The following RAB3C variants were observed in gnomAD, a reference collection of about 807,000 sequenced individuals.
RAB3C encodes the protein RAB3C, member RAS oncogene family, also known as ras-related protein Rab-3C.
In RAB3C, 17 loss-of-function variants were observed where a neutral mutation model predicts 26.4. That is an observed-to-expected ratio of 0.64 (90% CI 0.44 to 0.97). RAB3C has a LOEUF of 0.97. Ranked by LOEUF, RAB3C falls within the 50% of genes least tolerant of loss-of-function variation. RAB3C has a pLI of 0.00. For synonymous variants in RAB3C, 91 were observed against 95.9 expected (o/e 0.95, Z 0.30); for missense variants, 242 against 281.9 (o/e 0.86, Z 1.01).
At chr5:58,609,727 A>G (rs1327899977) in intron 1 of RAB3C, among the ~76,000 whole-genome samples, 1 of 152,158 alleles carries the variant, frequency 6.6e-6, no homozygotes, top group Non-Finnish European at 1.5e-5. Flanking sequence ...ACTATTGTAT[A>G]CATTCTCCTA....
At chr5:58,665,578 A>G (rs159004) in intron 2 of RAB3C, among the ~76,000 whole-genome samples, 80,214 of 151,874 alleles carry the variant, frequency 0.53, 21,392 homozygotes, top group East Asian at 0.57. Context: ...AGTACAATAA[A>G]TGGTCCATTA....
chr5:58,702,512 C>T (rs968999426), intron 2 of RAB3C, among the ~76,000 whole-genome samples: 1 of 152,146 alleles, frequency 6.6e-6, no homozygotes, highest in African/African-American at 2.4e-5. Context: ...CTACGTCTTG[C>T]CAGCCTCCCG....
chr5:58,778,287 A>G (rs1378029745), intron 3 of RAB3C, among the ~76,000 whole-genome samples: 2 of 152,138 alleles, frequency 1.3e-5, no homozygotes, highest in African/African-American at 4.8e-5. Context: ...CCTCAGCTAC[A>G]TTTCAACAAG....
chr5:58,632,521 C>G, intron 2 of RAB3C, among the ~76,000 whole-genome samples: 1 of 152,184 alleles, frequency 6.6e-6, no homozygotes, highest in East Asian at 1.9e-4. Flanking sequence ...GAAGGGAGGT[C>G]TACTTCAGTC....
chr5:58,840,560 C>T (rs1743854565), intron 4 of RAB3C, among the ~76,000 whole-genome samples: 1 of 152,170 alleles, frequency 6.6e-6, no homozygotes, highest in Non-Finnish European at 1.5e-5. Context: ...TGTGTCCCTA[C>T]ACTGATTTCT....
At chr5:58,792,273 A>T (rs1451164601) in intron 3 of RAB3C, among the ~76,000 whole-genome samples, 1 of 152,210 alleles carries the variant, frequency 6.6e-6, no homozygotes, top group African/African-American at 2.4e-5. Flanking sequence ...TATCTGGAAT[A>T]CTTCCAGGAA....
chr5:58,653,520 T>C (rs1190469098), intron 2 of RAB3C, among the ~76,000 whole-genome samples: 2 of 152,152 alleles, frequency 1.3e-5, no homozygotes, highest in Non-Finnish European at 2.9e-5. Context: ...GCAGCAGTAT[T>C]CACAATAGCA....
intron 3 of RAB3C, among the ~76,000 whole-genome samples, chr5:58,760,870 T>G (rs1741780208): frequency 6.6e-6 from 1 of 152,176 alleles, no homozygotes; most frequent in Non-Finnish European, 1.5e-5. Context: ...GGAGGTCAAA[T>G]GATTAGCACT....
chr5:58,632,237 A>G (rs985890311), intron 2 of RAB3C, among the ~76,000 whole-genome samples: 1 of 152,216 alleles, frequency 6.6e-6, no homozygotes. Flanking sequence ...TATCAGAACC[A>G]TTGTCTCCCA....
chr5:58,790,810 G>GA (rs1487972877), intron 3 of RAB3C, among the ~76,000 whole-genome samples: 3 of 151,502 alleles, frequency 2.0e-5, no homozygotes, highest in African/African-American at 4.9e-5. Flanking sequence ...TTTCCTGAAG[G>GA]AAAAAAAATC....
rs182925171 is a variant in RAB3C at position 58,632,218 on chromosome 5, G to A, written c.252+14348G>A. Among the ~76,000 whole-genome samples, 14 of 152,294 alleles carry A rather than the reference G, an allele frequency of 9.2e-5. No homozygotes were observed. The South Asian group carries it at 1.4e-3, about 16-fold the overall frequency. ...GAAGCCTGGGTGAACAGTTTTTTAC[G>A]CTGGGGTTTATCAGAACCATTGTCT... On this transcript the variant is annotated intron_variant, in intron 2 of 4. Transcript: ENST00000282878.
intron 3 of RAB3C, among the ~76,000 whole-genome samples, chr5:58,771,849 C>CTTTTTT: frequency 7.6e-6 from 1 of 131,958 alleles, no homozygotes; most frequent in Non-Finnish European, 1.7e-5. Context: ...TTTTCTTTTT[C>CTTTTTT]TTTTTTTTTT....
chr5:58,844,417 C>T (rs371675791), intron 4 of RAB3C, among the ~76,000 whole-genome samples: 1 of 152,194 alleles, frequency 6.6e-6, no homozygotes, highest in African/African-American at 2.4e-5. Flanking sequence ...TGCTTTTCTA[C>T]AGCTTTGGTC....
chr5:58,623,616 G>A (rs1297268831), intron 2 of RAB3C, among the ~76,000 whole-genome samples: 1 of 152,222 alleles, frequency 6.6e-6, no homozygotes, highest in Admixed American at 6.5e-5. Context: ...CATTCACTCT[G>A]TCAGGCAGCT....
intron 2 of RAB3C, among the ~76,000 whole-genome samples, chr5:58,698,868 A>C (rs1415387121): frequency 6.6e-6 from 1 of 152,112 alleles, no homozygotes; most frequent in African/African-American, 2.4e-5. Context: ...GATGGGTTCG[A>C]GCATCCTCCT....
At chr5:58,676,230 G>A (rs761275724) in intron 2 of RAB3C, among the ~76,000 whole-genome samples, 4 of 152,012 alleles carry the variant, frequency 2.6e-5, no homozygotes, top group Non-Finnish European at 5.9e-5. Context: ...TGGGTCGAGC[G>A]GCGTGGCTCA....
rs146449314 is a variant in RAB3C, at chr5:58,673,485, CACAT to C, written c.253-52513_253-52510del. Among the ~76,000 whole-genome samples, 14 of 142,160 alleles carry C rather than the reference CACAT, an allele frequency of 9.8e-5. No homozygotes were observed. The South Asian group carries it at 1.1e-3, about 12-fold the overall frequency. 93.3% of individuals were successfully genotyped at this position (142,160 alleles called of 152,430 possible). A position where few individuals can be genotyped will look rare whatever the true frequency, so the allele number is the denominator to read the frequency against. ...ACACACACACACACACACACACACACACATACAATTTTCAATCCTCATTTATGAC... is the reference window on the plus strand; with the variant it reads ...ACACACACACACACACACACACACACACAATTTTCAATCCTCATTTATGAC... On this transcript the variant is annotated intron_variant, in intron 2 of 4. Coordinates refer to ENST00000282878, the MANE Select transcript of RAB3C (RefSeq NM_138453.4).
chr5:58,755,801 C>T (rs1054488962), intron 3 of RAB3C, among the ~76,000 whole-genome samples: 2 of 152,162 alleles, frequency 1.3e-5, no homozygotes, highest in Non-Finnish European at 2.9e-5. Context: ...CAAACTTTTA[C>T]ATTATCACTG....
intron 2 of RAB3C, among the ~76,000 whole-genome samples, chr5:58,627,984 C>T (rs376451551): frequency 1.3e-5 from 2 of 151,850 alleles, no homozygotes; most frequent in African/African-American, 4.8e-5. Context: ...GGTGAAACCC[C>T]GTCTCTACTA....
Sources: allele counts gnomAD v4.1 joint callset (sites outside exome capture counted in the v4.1 genomes callset), GRCh38; gene constraint gnomAD v4.1.1; transcripts MANE v1.5; gene names NCBI Gene and HGNC (gene_info 2026-07-23, HGNC 2026-07-21).